Variants in SAXO1 observed in about 807,000 individuals in gnomAD.
The protein encoded by SAXO1 is stabilizer of axonemal microtubules 1.
In SAXO1, 21 loss-of-function variants were observed where a neutral mutation model predicts 17.5. That is an observed-to-expected ratio of 1.20 (90% CI 0.85 to 1.72). The LOEUF (loss-of-function observed/expected upper bound fraction) is 1.72. Ranked by LOEUF, SAXO1 falls within the 40% of genes most tolerant of loss-of-function variation. SAXO1 has a pLI of 0.00. For synonymous variants in SAXO1, 274 were observed against 216.5 expected (o/e 1.27, Z -2.33); for missense variants, 843 against 596.0 (o/e 1.41, Z -4.32).
rs1832007665 is a variant in SAXO1 at position 18,950,858 on chromosome 9, T to C, written c.118A>G (p.Asn40Asp). ...KPCLLSEYTENYPFYHSYLPR... is the reference protein window; with the variant it reads ...KPCLLSEYTEDYPFYHSYLPR... ...AGGTAGGAGTGATAGAAAGGGTAGT[T>C]CTCGGTATATTCGGAGAGAAGACAT... is the stretch of plus-strand genomic sequence containing the variant. Residue 40 changes from asparagine to aspartate, a missense_variant, in exon 2 of 4, where the codon AAC (asparagine) becomes GAC (aspartate). Physicochemically the swap from Asn to Asp is conservative, Grantham distance 23 (BLOSUM62 1). Transcript: ENST00000380534. 1 of 1,613,876 alleles carries C rather than the reference T, an allele frequency of 6.2e-7. No individual in the cohort carries two copies. The highest frequency in any genetic ancestry group is 8.5e-7 in the Non-Finnish European group (1 of 1,179,794).
intron 1 of SAXO1, among the ~76,000 whole-genome samples, chr9:19,020,344 AT>A (rs770936586): frequency 0.012 from 1,289 of 111,290 alleles, 15 homozygotes; most frequent in Middle Eastern, 0.028. Context: ...TGTCGAAATA[AT>A]TTTTTTTTTT....
At chr9:19,044,522 G>A (rs1045415501) in intron 1 of SAXO1, among the ~76,000 whole-genome samples, 1 of 152,122 alleles carries the variant, frequency 6.6e-6, no homozygotes, top group Non-Finnish European at 1.5e-5. Context: ...AAAATTTTTG[G>A]AAGCGGGAAT....
chr9:19,047,888 C>T (rs902967953), intron 1 of SAXO1, among the ~76,000 whole-genome samples: 8 of 152,152 alleles, frequency 5.3e-5, no homozygotes, highest in Non-Finnish European at 1.5e-5. Context: ...GAATACCCAA[C>T]TCGAAAGAAC....
Position 19,049,070 on chromosome 9 carries a change from TC to T in SAXO1, c.-158+138del, listed in dbSNP as rs1836288767. On this transcript the variant is annotated intron_variant, in intron 1 of 3. Transcript: ENST00000542071. The surrounding 1 kb of genome is among the most constrained non-coding windows in gnomAD (Gnocchi z 5.4). ...GCGGACTGGGAAGTTAGGCTTTCCC[TC>T]CACTTCACCAGTCGGCTGCCCCTGC... 6.6e-6 allele frequency: 1 copy of T among 152,568 alleles called. No homozygotes were observed. The highest frequency in any genetic ancestry group is 1.5e-5 in the Non-Finnish European group (1 of 68,300). The allele number at this position is 152,568 out of a possible 1,614,324, so 9.5% of individuals were successfully genotyped here.
chr9:19,005,200 A>G (rs1255130681), intron 1 of SAXO1, among the ~76,000 whole-genome samples: 1 of 152,164 alleles, frequency 6.6e-6, no homozygotes, highest in Non-Finnish European at 1.5e-5. Context: ...TTAAAATGAC[A>G]ATATTACCCA....
At chr9:19,031,785 T>C (rs1835785726) in intron 1 of SAXO1, among the ~76,000 whole-genome samples, 1 of 152,170 alleles carries the variant, frequency 6.6e-6, no homozygotes, top group Non-Finnish European at 1.5e-5. Context: ...CCTGAGCAAC[T>C]GATAGTTTTC....
chr9:18,943,131 C>T (rs1021150348), intron 2 of SAXO1, among the ~76,000 whole-genome samples: 1 of 152,212 alleles, frequency 6.6e-6, no homozygotes, highest in African/African-American at 2.4e-5. Flanking sequence ...AAACCCGAAC[C>T]GGGTCCTGAA....
chr9:19,038,599 G>C (rs1836000780), intron 1 of SAXO1, among the ~76,000 whole-genome samples: 1 of 116,562 alleles, frequency 8.6e-6, no homozygotes, highest in African/African-American at 3.3e-5. Context: ...ACACTCTGGG[G>C]ACTGTTGTGG....
chr9:18,965,476 G>A (rs964378573), intron 1 of SAXO1, among the ~76,000 whole-genome samples: 1 of 152,090 alleles, frequency 6.6e-6, no homozygotes, highest in Non-Finnish European at 1.5e-5. Context: ...AGCTCTTCTT[G>A]TTGCATTGAT....
chr9:19,029,854 C>G (rs1034391277), intron 1 of SAXO1, among the ~76,000 whole-genome samples: 1 of 152,192 alleles, frequency 6.6e-6, no homozygotes, highest in Non-Finnish European at 1.5e-5. Flanking sequence ...TCTTACATTC[C>G]TAACCCAGTC....
At chr9:18,961,232 T>C (rs1046484778) in intron 1 of SAXO1, among the ~76,000 whole-genome samples, 1 of 151,768 alleles carries the variant, frequency 6.6e-6, no homozygotes, top group African/African-American at 2.4e-5. Context: ...AGTGGTGCAA[T>C]GACGGCCAGC....
intron 1 of SAXO1, among the ~76,000 whole-genome samples, chr9:18,978,066 A>G (rs73431261): frequency 0.019 from 2,831 of 149,396 alleles, 87 homozygotes; most frequent in African/African-American, 0.066. Context: ...ACTAGATCTT[A>G]TCATTAAATT....
intron 1 of SAXO1, among the ~76,000 whole-genome samples, chr9:18,984,807 C>A (rs1270083168): frequency 6.6e-6 from 1 of 152,146 alleles, no homozygotes; most frequent in Non-Finnish European, 1.5e-5. Flanking sequence ...CTTTGAATTT[C>A]TTTCAAGAAC....
chr9:19,017,302 C>T (rs557624123), intron 1 of SAXO1, among the ~76,000 whole-genome samples: 121 of 152,338 alleles, frequency 7.9e-4, no homozygotes, highest in South Asian at 4.6e-3. Flanking sequence ...TCCTGAATGA[C>T]AGGTTCAACC....
At chr9:19,035,445 CTCAGATATGTCTTTA>C (rs1451112224), upstream of SAXO1, among the ~76,000 whole-genome samples, 1 of 152,164 alleles carries the variant, frequency 6.6e-6, no homozygotes, top group African/African-American at 2.4e-5. Flanking sequence ...TCTTCCCAGT[CTCAGATATGTCTTTA>C]TCAGCAGCAT....
At chr9:19,012,394 T>A (rs755105669) in intron 1 of SAXO1, among the ~76,000 whole-genome samples, 2 of 152,258 alleles carry the variant, frequency 1.3e-5, no homozygotes, top group Admixed American at 6.5e-5. Context: ...TCCTTAGGTC[T>A]GAATTATTAA....
intron 1 of SAXO1, among the ~76,000 whole-genome samples, chr9:19,046,609 G>A (rs1427099000): frequency 6.6e-6 from 1 of 151,694 alleles, no homozygotes; most frequent in Non-Finnish European, 1.5e-5. Flanking sequence ...GGCTGAGGCA[G>A]AAGGATCGCT....
Position 18,928,590 on chromosome 9 carries a change from G to T in SAXO1, c.887C>A (p.Pro296His). ...MFSKAPITYV[P>H]PEDRMDLLTT... ...CAGAAGATCCATCCTGTCTTCGGGA[G>T]GGACGTAGGTGATGGGAGCTTTGGA... The change falls in exon 4 of 4, where the codon CCT (proline) becomes CAT (histidine). Residue 296 changes from proline (P) to histidine (H), a missense_variant. Physicochemically the swap from Pro to His is moderately conservative, Grantham distance 77 (BLOSUM62 -2). Coordinates refer to ENST00000380534, the MANE Select transcript of SAXO1 (RefSeq NM_153707.4). 6.2e-7 allele frequency: 1 copy of T among 1,614,170 alleles called. No homozygotes were observed. The highest frequency in any genetic ancestry group is 1.1e-5 in the South Asian group (1 of 91,078).
rs532040110 is a variant in SAXO1, at chr9:18,943,073, C to T, written c.219-1234G>A. Among the ~76,000 whole-genome samples the T allele has an allele frequency of 4.6e-5, 7 of 152,340 alleles. No individual in the cohort carries two copies. In the South Asian group the frequency reaches 6.2e-4, roughly 14 times the overall value. ...CCATGCTTGACTAGCAAAGGTAACA[C>T]GCTCCACTGTAACCTGTCTTGCGTG... On this transcript the variant is annotated intron_variant, in intron 2 of 3. Transcript: ENST00000380534.
Sources: allele counts gnomAD v4.1 joint callset (sites outside exome capture counted in the v4.1 genomes callset), GRCh38; gene constraint gnomAD v4.1.1; non-coding constraint Gnocchi (gnomAD v3.1); transcripts MANE v1.5; gene names NCBI Gene and HGNC (gene_info 2026-07-23, HGNC 2026-07-21).